DPYD: variants seen among roughly 807,000 people sequenced by gnomAD.
DPYD encodes dihydropyrimidine dehydrogenase [NADP(+)].
Under a neutral mutation model 116.2 loss-of-function variants are expected in DPYD, and 109 were observed. The observed-to-expected ratio is 0.94, with a 90% CI of 0.80 to 1.10. The LOEUF is 1.10. Among genes scored for constraint, DPYD ranks in the 50% least tolerant of loss-of-function variants. DPYD has a pLI of 0.00. For missense variants in DPYD, 1,302 were observed against 1,254.5 expected (o/e 1.04, Z -0.57); for synonymous variants, 440 against 432.0 (o/e 1.02, Z -0.23).
chr1:97,709,047 C>T (rs1420388451), intron 5 of DPYD, among the ~76,000 whole-genome samples: 1 of 151,760 alleles, frequency 6.6e-6, no homozygotes, highest in Non-Finnish European at 1.5e-5. Flanking sequence ...TTGGAATTTT[C>T]TACATAGACA....
chr1:97,818,419 T>C (rs1668745556), intron 3 of DPYD, among the ~76,000 whole-genome samples: 1 of 152,038 alleles, frequency 6.6e-6, no homozygotes, highest in Admixed American at 6.6e-5. Flanking sequence ...ACTTGATAAT[T>C]ATGTAATCAA....
intron 1 of DPYD, among the ~76,000 whole-genome samples, chr1:97,902,398 A>C (rs145417346): frequency 2.9e-4 from 44 of 151,950 alleles, no homozygotes; most frequent in African/African-American, 9.6e-4. Context: ...TAAGAGCAAG[A>C]ATTAGAAGAT....
At chr1:97,087,608 G>A (rs1206665399) in intron 21 of DPYD, among the ~76,000 whole-genome samples, 1 of 152,124 alleles carries the variant, frequency 6.6e-6, no homozygotes, top group Non-Finnish European at 1.5e-5. Flanking sequence ...TTGGCCAGGA[G>A]CAAAGTTGGT....
intron 14 of DPYD, among the ~76,000 whole-genome samples, chr1:97,434,386 A>G (rs1440612209): frequency 6.6e-6 from 1 of 152,102 alleles, no homozygotes; most frequent in African/African-American, 2.4e-5. Context: ...TACACAATGG[A>G]TAATTAGTTC....
intron 1 of DPYD, among the ~76,000 whole-genome samples, chr1:97,915,881 T>G (rs4246515): frequency 0.72 from 108,824 of 151,970 alleles, 39,563 homozygotes; most frequent in East Asian, 0.91. Context: ...TCAGATTTTC[T>G]TTGTCATGAT....
chr1:97,846,223 C>T (rs1670295304), intron 2 of DPYD, among the ~76,000 whole-genome samples: 1 of 152,182 alleles, frequency 6.6e-6, no homozygotes, highest in Non-Finnish European at 1.5e-5. Context: ...GTGGCACAAC[C>T]AAGACAGGAC....
intron 8 of DPYD, among the ~76,000 whole-genome samples, chr1:97,664,644 G>T (rs1216732510): frequency 6.6e-6 from 1 of 151,912 alleles, no homozygotes; most frequent in East Asian, 1.9e-4. Context: ...GGTCTTAGTA[G>T]TCCAAAACCT....
At chr1:97,484,484 A>G (rs1423239819) in intron 13 of DPYD, among the ~76,000 whole-genome samples, 1 of 152,186 alleles carries the variant, frequency 6.6e-6, no homozygotes, top group Non-Finnish European at 1.5e-5. Flanking sequence ...GATGGTAAAT[A>G]TTGGTGCGGG....
chr1:97,471,220 A>C (rs1216071530), intron 13 of DPYD, among the ~76,000 whole-genome samples: 1 of 152,096 alleles, frequency 6.6e-6, no homozygotes, highest in Non-Finnish European at 1.5e-5. Context: ...TTCATATTTC[A>C]TTGTCTTTAA....
At chr1:97,657,372 T>A (rs1658987823) in intron 8 of DPYD, among the ~76,000 whole-genome samples, 1 of 152,182 alleles carries the variant, frequency 6.6e-6, no homozygotes. Flanking sequence ...TCACTAAAAA[T>A]TATAAAGAAT....
chr1:97,527,418 A>C (rs1050289156), intron 12 of DPYD, among the ~76,000 whole-genome samples: 6 of 152,162 alleles, frequency 3.9e-5, no homozygotes, highest in Non-Finnish European at 1.5e-5. Flanking sequence ...CTAAATTATT[A>C]ATGTCCTCAA....
chr1:97,838,112 GAAATATAAT>G, intron 2 of DPYD, among the ~76,000 whole-genome samples: 1 of 152,204 alleles, frequency 6.6e-6, no homozygotes, highest in Middle Eastern at 3.4e-3. Flanking sequence ...GATTAGACCA[GAAATATAAT>G]TTTTATGCAA....
At chr1:97,762,291 A>G (rs1280486929) in intron 3 of DPYD, among the ~76,000 whole-genome samples, 2 of 152,190 alleles carry the variant, frequency 1.3e-5, no homozygotes, top group Non-Finnish European at 2.9e-5. Context: ...AAAATGTACC[A>G]CAGAGTGACA....
intron 18 of DPYD, among the ~76,000 whole-genome samples, chr1:97,282,824 T>G (rs989541471): frequency 6.6e-6 from 1 of 152,152 alleles, no homozygotes; most frequent in African/African-American, 2.4e-5. Flanking sequence ...GTATTTGGTT[T>G]TCTGCTTCTA....
intron 18 of DPYD, among the ~76,000 whole-genome samples, chr1:97,296,679 T>C (rs1368744216): frequency 6.6e-6 from 1 of 152,084 alleles, no homozygotes; most frequent in Non-Finnish European, 1.5e-5. Context: ...TTTTAAAATG[T>C]AAAAGTCCAT....
chr1:97,609,817 TAAGAAAGA>T (rs2100744774), intron 8 of DPYD, among the ~76,000 whole-genome samples: 1 of 152,112 alleles, frequency 6.6e-6, no homozygotes, highest in Non-Finnish European at 1.5e-5. Flanking sequence ...ATTTTATTCA[TAAGAAAGA>T]AAAAAATATG....
At position 97,098,727 on chromosome 1, in the gene DPYD, T is replaced by C. The variant is rs932078269; in HGVS notation, c.2623-95A>G. On this transcript the variant is annotated intron_variant, in intron 20 of 22. Coordinates refer to ENST00000370192, the MANE Select transcript of DPYD (RefSeq NM_000110.4). ...TATAAATATTATCAACAAACAAATG[T>C]GTGTCTAGGGATTGTTTCATGTATA... 4.2e-6 allele frequency: 6 copies of C among 1,413,286 alleles called. No homozygotes were observed. In the African/African-American group the frequency reaches 5.7e-5, roughly 13 times the overall value. The allele number at this position is 1,413,286 out of a possible 1,614,324, so 87.5% of individuals were successfully genotyped here. A position where few individuals can be genotyped will look rare whatever the true frequency, so the allele number is the denominator to read the frequency against.
At chr1:97,245,020 ATAAAAT>A (rs1025934378) in intron 18 of DPYD, among the ~76,000 whole-genome samples, 3 of 152,136 alleles carry the variant, frequency 2.0e-5, no homozygotes, top group African/African-American at 7.2e-5. Flanking sequence ...ATATGAAAAA[ATAAAAT>A]TAGAATTCAA....
At chr1:97,390,218 C>T (rs1404155252) in intron 14 of DPYD, among the ~76,000 whole-genome samples, 1 of 151,990 alleles carries the variant, frequency 6.6e-6, no homozygotes, top group Non-Finnish European at 1.5e-5. Flanking sequence ...AACAATTCAG[C>T]TTCAAGACAA....
Sources: allele counts gnomAD v4.1 joint callset (sites outside exome capture counted in the v4.1 genomes callset), GRCh38; gene constraint gnomAD v4.1.1; transcripts MANE v1.5; gene names NCBI Gene and HGNC (gene_info 2026-07-23, HGNC 2026-07-21).